NSMCE1: variants seen among roughly 807,000 people sequenced by gnomAD.
NSMCE1 encodes the protein non-structural maintenance of chromosomes element 1 homolog.
Under a neutral mutation model 29.6 loss-of-function variants are expected in NSMCE1, and 18 were observed. The ratio of observed to expected loss-of-function variants is 0.61; its 90% CI spans 0.42 to 0.90. The LOEUF is 0.90. Among genes scored for constraint, NSMCE1 ranks in the 40% least tolerant of loss-of-function variants. NSMCE1 has a pLI of 0.00. For missense variants in NSMCE1, 314 were observed against 343.6 expected (o/e 0.91, Z 0.68); for synonymous variants, 124 against 133.4 (o/e 0.93, Z 0.49).
intron 5 of NSMCE1, among the ~76,000 whole-genome samples, chr16:27,227,127 G>A (rs1008840286): frequency 6.6e-5 from 10 of 152,254 alleles, no homozygotes; most frequent in African/African-American, 2.4e-4. Flanking sequence ...GCAGCCTCGA[G>A]GGAGGCAGTC....
intron 5 of NSMCE1, among the ~76,000 whole-genome samples, chr16:27,229,187 C>G (rs1054434368): frequency 3.9e-5 from 6 of 152,272 alleles, no homozygotes; most frequent in African/African-American, 1.2e-4. Context: ...GCCACAGGGC[C>G]ACTGCCGGGC....
intron 5 of NSMCE1, among the ~76,000 whole-genome samples, chr16:27,227,567 G>C (rs911618148): frequency 6.6e-6 from 1 of 152,236 alleles, no homozygotes; most frequent in East Asian, 1.9e-4. Context: ...CACTGAGGGA[G>C]ACCCAAGGCA....
chr16:27,250,524 G>T (rs2084014322), intron 2 of NSMCE1, among the ~76,000 whole-genome samples: 1 of 151,476 alleles, frequency 6.6e-6, no homozygotes, highest in African/African-American at 2.4e-5. Context: ...AGGCGCGGTG[G>T]CTCATGCCTG....
At chr16:27,255,240 A>G (rs2084074457) in intron 2 of NSMCE1, among the ~76,000 whole-genome samples, 1 of 152,090 alleles carries the variant, frequency 6.6e-6, no homozygotes, top group Admixed American at 6.6e-5. Context: ...TCCCCTTTCA[A>G]TACAAAAGTC....
chr16:27,250,191 A>G (rs1435059568), intron 2 of NSMCE1, among the ~76,000 whole-genome samples: 3 of 152,198 alleles, frequency 2.0e-5, no homozygotes, highest in Non-Finnish European at 4.4e-5. Flanking sequence ...ACAGATGATC[A>G]TGTTGTCTGT....
At chr16:27,256,634 C>T (rs1596694903) in intron 2 of NSMCE1, among the ~76,000 whole-genome samples, 1 of 152,208 alleles carries the variant, frequency 6.6e-6, no homozygotes, top group Non-Finnish European at 1.5e-5. Flanking sequence ...TCTGCCAATG[C>T]TAATTCGACT....
chr16:27,243,419 T>C lies in NSMCE1; in HGVS notation c.137-8120A>G, dbSNP rs142527660. ...GTGTTACACTCATTCTTCTGAGAGA[T>C]TGAACATACAAACAGCCAATGGGCT... On this transcript the variant is annotated intron_variant, in intron 2 of 7. Transcript: ENST00000361439. Among the ~76,000 whole-genome samples, 226 of 152,248 alleles carry C rather than the reference T, an allele frequency of 1.5e-3. 2 individuals carry two copies. Among genetic ancestry groups the C allele is most frequent in the African/African-American group, 4.9e-3 (204 of 41,520 alleles).
chr16:27,242,038 TG>T, intron 2 of NSMCE1: 1 of 313,566 alleles, frequency 3.2e-6, no homozygotes, highest in Non-Finnish European at 6.5e-6. Context: ...CAAAATAACG[TG>T]GGTAAGCAGG....
chr16:27,247,247 T>G (rs1467485225), intron 2 of NSMCE1, among the ~76,000 whole-genome samples: 1 of 152,208 alleles, frequency 6.6e-6, no homozygotes, highest in Non-Finnish European at 1.5e-5. Context: ...CATGCTATTC[T>G]TGTGACAGTG....
intron 2 of NSMCE1, among the ~76,000 whole-genome samples, chr16:27,251,586 A>G (rs2084036507): frequency 4.6e-5 from 7 of 152,092 alleles, no homozygotes. Flanking sequence ...CTTTCCTCGC[A>G]ATGTCTTTGT....
intron 2 of NSMCE1, among the ~76,000 whole-genome samples, chr16:27,250,479 AT>A (rs564189159): frequency 0.014 from 1,952 of 141,434 alleles, 3 homozygotes; most frequent in Middle Eastern, 0.018. Context: ...TAGCTGTTGG[AT>A]TTTTTTTTTT....
At chr16:27,243,072 G>A (rs529497497) in intron 2 of NSMCE1, among the ~76,000 whole-genome samples, 80 of 152,346 alleles carry the variant, frequency 5.3e-4, no homozygotes, top group Middle Eastern at 3.4e-3. Context: ...GGGAGCTGGC[G>A]GCACGCATTC....
At chr16:27,230,430 C>G (rs1273035211) in intron 5 of NSMCE1, among the ~76,000 whole-genome samples, 1 of 152,166 alleles carries the variant, frequency 6.6e-6, no homozygotes, top group Non-Finnish European at 1.5e-5. Flanking sequence ...AGCACCCGCC[C>G]CGGTTCTCAG....
chr16:27,257,337 G>T, intron 2 of NSMCE1, 98 bp downstream of exon 2: 1 of 999,900 alleles, frequency 1.0e-6, no homozygotes, highest in South Asian at 2.0e-5. Flanking sequence ...CTCAGCTCAG[G>T]AGTACCGGTT....
rs536280369 is a variant in NSMCE1, at chr16:27,257,059, C to T, written c.136+376G>A. Among the ~76,000 whole-genome samples the T allele has an allele frequency of 9.9e-5, 15 of 152,214 alleles. No individual in the cohort carries two copies. The South Asian group carries it at 1.7e-3, about 17-fold the overall frequency. On this transcript the variant is annotated intron_variant, in intron 2 of 7. Transcript: ENST00000361439. ...AATACCCCACTAGGCACTGTCTCTG[C>T]GCCACTGTCTTGTACATATCATGTC...
At chr16:27,250,685 C>T (rs1029915379) in intron 2 of NSMCE1, among the ~76,000 whole-genome samples, 6 of 151,290 alleles carry the variant, frequency 4.0e-5, no homozygotes, top group Admixed American at 6.6e-5. Context: ...CCCAGCTACT[C>T]GGGAGGCGGA....
At chr16:27,225,895 T>C in intron 6 of NSMCE1, 49 bp from the exon 7 acceptor site, 1 of 1,607,610 alleles carries the variant, frequency 6.2e-7, no homozygotes, top group Non-Finnish European at 8.5e-7. Flanking sequence ...CACCTCCATG[T>C]TCTGCAAACC....
chr16:27,233,285 G>A lies in NSMCE1; in HGVS notation c.337-138C>T, dbSNP rs745635731. 7.7e-4 allele frequency: 532 copies of A among 693,158 alleles called. 2 individuals are homozygous for A. Among genetic ancestry groups the A allele is most frequent in the Middle Eastern group, 3.7e-4 (1 of 2,720 alleles). The allele number at this position is 693,158 out of a possible 1,614,324, so 42.9% of individuals were successfully genotyped here. A position where few individuals can be genotyped will look rare whatever the true frequency, so the allele number is the denominator to read the frequency against. ...ACTGTACACTGGCATGGTATTCCGG[G>A]AAAACAATTTAATGTGCATCAAGAG... On this transcript the variant is annotated intron_variant, in intron 4 of 7. Coordinates refer to ENST00000361439, the MANE Select transcript of NSMCE1 (RefSeq NM_145080.4).
At chr16:27,264,390 A>C (rs906957037) in intron 1 of NSMCE1, among the ~76,000 whole-genome samples, 3 of 152,166 alleles carry the variant, frequency 2.0e-5, no homozygotes, top group Non-Finnish European at 1.5e-5. Flanking sequence ...ACCAAAACAA[A>C]AAAAGCACTT....
Sources: gnomAD v4.1 joint callset for allele counts (sites outside exome capture counted in the v4.1 genomes callset) on GRCh38, gnomAD v4.1.1 for gene constraint, MANE v1.5 for transcripts, NCBI Gene and HGNC (gene_info 2026-07-23, HGNC 2026-07-21) for gene names.